Variants in ELF2 observed in about 807,000 individuals in gnomAD.
The protein encoded by ELF2 is ETS-related transcription factor Elf-2.
ELF2 carries 11 observed loss-of-function variants against 54.8 expected under a neutral mutation model. The observed-to-expected ratio is 0.20, with a 90% CI of 0.13 to 0.33. ELF2 has a LOEUF of 0.33. ELF2 is among the 10% of genes least tolerant of loss of function. The probability of loss-of-function intolerance (pLI) is 1.00; values close to 1 mark genes in which losing one functional copy is unlikely to be tolerated. For missense variants in ELF2, 513 were observed against 703.0 expected, an observed-to-expected ratio of 0.73 and a Z score of 3.06; for synonymous variants, 203 against 245.1, an observed-to-expected ratio of 0.83 and a Z score of 1.61.
In ELF2 at chr4:139,058,396, T is replaced by C. The variant is rs1250573952; in HGVS notation, c.*587A>G. 2 of 116,042 alleles carry C rather than the reference T, an allele frequency of 1.7e-5. No homozygotes were observed. The highest frequency in any genetic ancestry group is 4.8e-4 in the East Asian group (2 of 4,132). The allele number at this position is 116,042 out of a possible 1,614,324, so 7.2% of individuals were successfully genotyped here. ...AAATCAGCTTAAGCTATATGATATA[T>C]ATATATGTATGTATATATATATATA... On this transcript the variant is annotated 3_prime_UTR_variant, in exon 10 of 10. Coordinates refer to ENST00000686138, the MANE Select transcript of ELF2 (RefSeq NM_001331036.3).
rs772079635 is a variant in ELF2, at chr4:139,148,316, ATTTTTTTT to A, written c.-251-8827_-251-8820del. Reference sequence around the variant, plus strand: ...AGACAGGTGAAGTCATACCTGGCTAATTTTTTTTTTTTTTTTTTTTTTTTTTTTTTTGT... The same window carrying A: ...AGACAGGTGAAGTCATACCTGGCTAATTTTTTTTTTTTTTTTTTTTTTTGT... On this transcript the variant is annotated intron_variant, in intron 1 of 9. Coordinates refer to ENST00000686138, the MANE Select transcript of ELF2 (RefSeq NM_001331036.3). 1.5e-4 allele frequency among the ~76,000 whole-genome samples: 10 copies of A among 64,566 alleles called. No homozygotes were observed. In the East Asian group the frequency reaches 3.3e-3, roughly 22 times the overall value. The allele number at this position is 64,566 out of a possible 152,430, so 42.4% of individuals were successfully genotyped here.
intron 4 of ELF2, among the ~76,000 whole-genome samples, chr4:139,112,147 CCTTT>C (rs1051601253): frequency 2.0e-5 from 3 of 152,036 alleles, no homozygotes; most frequent in African/African-American, 7.2e-5. Flanking sequence ...ATTTTAATCC[CCTTT>C]CTTTCTCATA....
rs962292008 is a variant in ELF2 at position 139,115,392 on chromosome 4, C to T, written c.238+9772G>A. 8 of 1,015,972 alleles carry T rather than the reference C, an allele frequency of 7.9e-6. No homozygotes were observed. In the African/African-American group the frequency reaches 8.8e-5, roughly 11 times the overall value. 62.9% of individuals were successfully genotyped at this position (1,015,972 alleles called of 1,614,324 possible). A position where few individuals can be genotyped will look rare whatever the true frequency, so the allele number is the denominator to read the frequency against. On this transcript the variant is annotated intron_variant, in intron 4 of 9. Transcript: ENST00000686138. Reference sequence around the variant, plus strand: ...TCCGCCATGGCGGCCGCCGGGGCCACGTGCGCGCATCGGGCCCCTCCCTGC... The same window carrying T: ...TCCGCCATGGCGGCCGCCGGGGCCATGTGCGCGCATCGGGCCCCTCCCTGC...
chr4:139,060,820 G>A (rs1727727305), intron 8 of ELF2, 146 bp from the exon 9 acceptor site: 2 of 688,524 alleles, frequency 2.9e-6, no homozygotes, highest in South Asian at 4.5e-5. Flanking sequence ...AACTCTTACT[G>A]CCTAGATTGC....
intron 1 of ELF2, among the ~76,000 whole-genome samples, chr4:139,172,687 A>T (rs1237032816): frequency 6.6e-6 from 1 of 152,172 alleles, no homozygotes; most frequent in African/African-American, 2.4e-5. Context: ...TACAGTAAGA[A>T]ATCTTCTATG....
Position 139,065,434 on chromosome 4 carries a change from T to C in ELF2, c.613+2250A>G, listed in dbSNP as rs565701210. On this transcript the variant is annotated intron_variant, in intron 7 of 9. Coordinates refer to ENST00000686138, the MANE Select transcript of ELF2 (RefSeq NM_001331036.3). ...GAGGCTGCAATGAGTTATGATCCTG[T>C]CACTGTATTCCAGCCTAGGTGACAG... 2.6e-5 allele frequency among the ~76,000 whole-genome samples: 4 copies of C among 152,290 alleles called. No individual in the cohort carries two copies. In the East Asian group the frequency reaches 7.7e-4, roughly 29 times the overall value.
intron 1 of ELF2, among the ~76,000 whole-genome samples, chr4:139,145,415 C>G (rs1242969990): frequency 1.3e-5 from 2 of 152,144 alleles, no homozygotes; most frequent in Non-Finnish European, 2.9e-5. Flanking sequence ...GTGGTAACCC[C>G]ACTGGGCAGC....
chr4:139,133,555 T>C (rs1737773388), intron 3 of ELF2, among the ~76,000 whole-genome samples: 1 of 152,170 alleles, frequency 6.6e-6, no homozygotes, highest in Non-Finnish European at 1.5e-5. Flanking sequence ...ATCTCTCTAT[T>C]CAGGTCTTTA....
At chr4:139,135,605 A>G (rs1034820692) in intron 3 of ELF2, among the ~76,000 whole-genome samples, 13 of 152,148 alleles carry the variant, frequency 8.5e-5, no homozygotes, top group African/African-American at 3.1e-4. Context: ...GTGCCTAGAA[A>G]AGTACTTCAT....
chr4:139,115,056 G>C, intron 4 of ELF2: 1 of 1,613,922 alleles, frequency 6.2e-7, no homozygotes, highest in Non-Finnish European at 8.5e-7. Context: ...CCCGGGCATC[G>C]TCACTCTCCA....
At chr4:139,116,750 C>A in intron 4 of ELF2, 2 of 985,070 alleles carry the variant, frequency 2.0e-6, no homozygotes, top group Non-Finnish European at 2.4e-6. Context: ...TCTTCTACCT[C>A]CCTGTGGCAA....
chr4:139,071,814 A>G (rs1213836237), intron 6 of ELF2, 52 bp downstream of exon 6: 30 of 1,523,738 alleles, frequency 2.0e-5, no homozygotes, highest in Non-Finnish European at 2.5e-5. Flanking sequence ...GAGGAAAAAG[A>G]TAAGAGAAAA....
intron 4 of ELF2, chr4:139,114,908 C>T (rs1735462231): frequency 3.1e-6 from 5 of 1,611,884 alleles, no homozygotes; most frequent in Non-Finnish European, 4.2e-6. Flanking sequence ...TGGGAACCAC[C>T]GTTCTCCTGG....
At position 139,071,278 on chromosome 4, in the gene ELF2, AT is replaced by A. The variant is rs561950065; in HGVS notation, c.526+587del. On this transcript the variant is annotated intron_variant, in intron 6 of 9. Coordinates refer to ENST00000686138, the MANE Select transcript of ELF2 (RefSeq NM_001331036.3). ...ATATAGTATGATATAAATGATATAT[AT>A]ATTTAGTATGACTATATATGAATAT... Among the ~76,000 whole-genome samples, 653 of 151,952 alleles carry A rather than the reference AT, an allele frequency of 4.3e-3. 5 individuals carry two copies. The highest frequency in any genetic ancestry group is 0.021 in the South Asian group (100 of 4,818).
chr4:139,100,901 A>C (rs1478979947), intron 4 of ELF2, among the ~76,000 whole-genome samples: 1 of 152,048 alleles, frequency 6.6e-6, no homozygotes, highest in Non-Finnish European at 1.5e-5. Flanking sequence ...CAGGCTGATT[A>C]GAAGGCCAAA....
At chr4:139,111,915 C>A (rs1057241321) in intron 4 of ELF2, among the ~76,000 whole-genome samples, 1 of 152,150 alleles carries the variant, frequency 6.6e-6, no homozygotes, top group South Asian at 2.1e-4. Context: ...GAATGAGAAA[C>A]CAAGGAGTTC....
intron 1 of ELF2, among the ~76,000 whole-genome samples, chr4:139,158,759 T>A (rs1287647744): frequency 6.6e-6 from 1 of 152,262 alleles, no homozygotes; most frequent in South Asian, 2.1e-4. Context: ...GACATCTAAT[T>A]AGAGAGTTTC....
intron 3 of ELF2, among the ~76,000 whole-genome samples, chr4:139,133,902 G>A (rs1737824529): frequency 6.6e-6 from 1 of 152,100 alleles, no homozygotes; most frequent in South Asian, 2.1e-4. Context: ...TAATAGTGTG[G>A]ATTTCTTAGG....
intron 4 of ELF2, among the ~76,000 whole-genome samples, chr4:139,119,146 T>TA (rs1463927197): frequency 6.6e-6 from 1 of 152,258 alleles, no homozygotes; most frequent in East Asian, 1.9e-4. Flanking sequence ...TCCTTAATTC[T>TA]ATGTCCTTTG....
Sources: allele counts gnomAD v4.1 joint callset (sites outside exome capture counted in the v4.1 genomes callset), GRCh38; gene constraint gnomAD v4.1.1; transcripts MANE v1.5; gene names NCBI Gene and HGNC (gene_info 2026-07-23, HGNC 2026-07-21).